Variants in DACH2 observed in about 807,000 individuals in gnomAD.
DACH2 encodes dachshund family transcription factor 2.
In DACH2, 17 loss-of-function variants were observed where a neutral mutation model predicts 35.8. That is an observed-to-expected ratio of 0.48 (90% confidence interval 0.33 to 0.71). DACH2 has a LOEUF of 0.71. Among genes scored for constraint, DACH2 ranks in the 30% least tolerant of loss-of-function variants. DACH2 has a pLI of 0.02. For missense variants in DACH2, 469 were observed against 472.7 expected, an observed-to-expected ratio of 0.99 and a Z score of 0.07; for synonymous variants, 195 against 177.3, an observed-to-expected ratio of 1.10 and a Z score of -0.79.
intron 4 of DACH2, among the ~76,000 whole-genome samples, chrX:86,683,503 C>T (rs762562230): frequency 1.0e-3 from 114 of 111,758 alleles, no homozygotes; most frequent in Middle Eastern, 4.7e-3. Context: ...ATTATACAAT[C>T]TGCTTTAAGA....
chrX:86,294,107 G>A (rs1330832087), intron 1 of DACH2, among the ~76,000 whole-genome samples: 6 of 110,703 alleles, frequency 5.4e-5, no homozygotes, highest in Non-Finnish European at 1.1e-4. Flanking sequence ...ATATTTCTTG[G>A]AGGCTTTGCT....
chrX:86,802,934 C>A lies in DACH2; in HGVS notation c.1241-9922C>A, dbSNP rs766515025. Among the ~76,000 whole-genome samples the A allele has an allele frequency of 8.9e-5, 10 of 112,181 alleles. No individual in the cohort carries two copies. In the South Asian group the frequency reaches 2.6e-3, roughly 29 times the overall value. On this transcript the variant is annotated intron_variant, in intron 7 of 11. Coordinates refer to ENST00000373125, the MANE Select transcript of DACH2 (RefSeq NM_053281.3). ...ATTCCCAATCCTGCCACTTGTTTGC[C>A]AATTTATGATGCAAACTGTTATAAT...
intron 2 of DACH2, among the ~76,000 whole-genome samples, chrX:86,492,246 C>A (rs2038104328): frequency 9.0e-6 from 1 of 110,663 alleles, no homozygotes; most frequent in Admixed American, 9.7e-5. Context: ...GGAATAGAAT[C>A]AGACAAATAA....
intron 3 of DACH2, among the ~76,000 whole-genome samples, chrX:86,588,122 G>C (rs772801126): frequency 1.8e-5 from 2 of 111,262 alleles, no homozygotes; most frequent in Non-Finnish European, 3.8e-5. Context: ...TTATTAAATA[G>C]GTAGTCATTT....
chrX:86,799,970 A>G (rs1442498314), intron 7 of DACH2, among the ~76,000 whole-genome samples: 1 of 111,517 alleles, frequency 9.0e-6, no homozygotes, highest in Non-Finnish European at 1.9e-5. Flanking sequence ...TTTATATTCT[A>G]CAAATAGGGT....
intron 2 of DACH2, among the ~76,000 whole-genome samples, chrX:86,429,343 A>G (rs1415706127): frequency 2.7e-5 from 3 of 110,768 alleles, no homozygotes; most frequent in East Asian, 2.9e-4. Context: ...CTTTTTATAA[A>G]TTGTGTTTAT....
intron 6 of DACH2, among the ~76,000 whole-genome samples, chrX:86,734,329 G>T (rs1208988228): frequency 9.1e-6 from 1 of 110,320 alleles, no homozygotes; most frequent in Non-Finnish European, 1.9e-5. Flanking sequence ...CCTCTAATTC[G>T]GGATTGAAAT....
At position 86,721,243 on chromosome X, in the gene DACH2, G is replaced by T. The variant is rs891716219; in HGVS notation, c.1104+6523G>T. ...TGCAGCTGGCTACAATTCCTCTCCA[G>T]AAAATGGGATTTTTCTATTGCATCA... On this transcript the variant is annotated intron_variant, in intron 6 of 11. Transcript: ENST00000373125. 2.7e-5 allele frequency among the ~76,000 whole-genome samples: 3 copies of T among 112,234 alleles called. 1 individual carries two copies. Among genetic ancestry groups the T allele is most frequent in the African/African-American group, 9.7e-5 (3 of 30,881 alleles).
intron 6 of DACH2, among the ~76,000 whole-genome samples, chrX:86,727,320 A>C (rs1246924819): frequency 8.9e-6 from 1 of 111,951 alleles, no homozygotes; most frequent in Non-Finnish European, 1.9e-5. Context: ...TGAAAGATGC[A>C]GTATGAGACT....
intron 2 of DACH2, among the ~76,000 whole-genome samples, chrX:86,463,192 T>C (rs931227170): frequency 9.0e-6 from 1 of 110,960 alleles, no homozygotes; most frequent in Non-Finnish European, 1.9e-5. Context: ...TGTATTATTA[T>C]ATTTTCTTGT....
At chrX:86,152,891 G>A (rs759616987) in intron 1 of DACH2, among the ~76,000 whole-genome samples, 283 of 111,711 alleles carry the variant, frequency 2.5e-3, no homozygotes, top group Non-Finnish European at 4.9e-3. Context: ...GAACAGGCAG[G>A]TTTAGAAAGT....
chrX:86,693,953 T>G (rs778486945), intron 4 of DACH2, among the ~76,000 whole-genome samples: 23 of 107,749 alleles, frequency 2.1e-4, no homozygotes, highest in African/African-American at 7.5e-4. Context: ...TAAACACAAT[T>G]TTCAATGTTG....
intron 1 of DACH2, among the ~76,000 whole-genome samples, chrX:86,244,314 T>A (rs1331334349): frequency 8.9e-6 from 1 of 112,301 alleles, no homozygotes; most frequent in Non-Finnish European, 1.9e-5. Context: ...TATCAATACT[T>A]CTTCTAATAC....
At chrX:86,553,467 C>T (rs2039077405) in intron 3 of DACH2, among the ~76,000 whole-genome samples, 1 of 111,607 alleles carries the variant, frequency 9.0e-6, no homozygotes, top group African/African-American at 3.3e-5. Context: ...GTCACAGACA[C>T]ACCCAGGAAC....
chrX:86,581,600 A>G (rs1440757637), intron 3 of DACH2, among the ~76,000 whole-genome samples: 1 of 110,999 alleles, frequency 9.0e-6, no homozygotes, highest in Non-Finnish European at 1.9e-5. Flanking sequence ...TTTTACAAAA[A>G]GCAGATTTCA....
intron 4 of DACH2, among the ~76,000 whole-genome samples, chrX:86,662,390 G>A (rs1213170814): frequency 2.7e-5 from 3 of 111,441 alleles, no homozygotes; most frequent in African/African-American, 9.8e-5. Context: ...TCAGGAGATC[G>A]AGATCATCCT....
At chrX:86,473,907 T>A (rs2037799318) in intron 2 of DACH2, among the ~76,000 whole-genome samples, 1 of 111,698 alleles carries the variant, frequency 9.0e-6, no homozygotes, top group Non-Finnish European at 1.9e-5. Context: ...TGGAATACAG[T>A]AGCTCTATTT....
chrX:86,822,128 T>G, intron 11 of DACH2, among the ~76,000 whole-genome samples: 1 of 112,387 alleles, frequency 8.9e-6, no homozygotes, highest in Non-Finnish European at 1.9e-5. Context: ...AACATTTTCC[T>G]GATTAAAAGA....
chrX:86,338,847 G>T (rs2035365002), intron 1 of DACH2, among the ~76,000 whole-genome samples: 1 of 111,222 alleles, frequency 9.0e-6, no homozygotes, highest in Admixed American at 9.6e-5. Flanking sequence ...GAAAAGAGAA[G>T]AATCAAATAG....
Sources: allele counts gnomAD v4.1 joint callset (sites outside exome capture counted in the v4.1 genomes callset), GRCh38; gene constraint gnomAD v4.1.1; transcripts MANE v1.5; gene names NCBI Gene and HGNC (gene_info 2026-07-23, HGNC 2026-07-21).